BIRC6: variants seen among roughly 807,000 people sequenced by gnomAD.
BIRC6 encodes baculoviral IAP repeat containing 6, also known as dual E2 ubiquitin-conjugating enzyme/E3 ubiquitin-protein ligase BIRC6.
BIRC6 carries 98 observed loss-of-function variants against 503.3 expected under a neutral mutation model. The ratio of observed to expected loss-of-function variants is 0.19; its 90% confidence interval spans 0.17 to 0.23. BIRC6 has a LOEUF of 0.23. Among genes scored for constraint, BIRC6 ranks in the 10% least tolerant of loss-of-function variants. The pLI is 1.00. For synonymous variants in BIRC6, 2,240 were observed against 2,078.7 expected (o/e 1.08, Z -2.11); for missense variants, 5,360 against 5,806.0 (o/e 0.92, Z 2.50).
At chr2:32,555,120 T>C (rs895863751) in intron 65 of BIRC6, among the ~76,000 whole-genome samples, 1 of 152,200 alleles carries the variant, frequency 6.6e-6, no homozygotes, top group African/African-American at 2.4e-5. Context: ...TGTCGAGCTG[T>C]CGTAACATGA....
At chr2:32,550,133 A>T (rs1470803531) in intron 65 of BIRC6, among the ~76,000 whole-genome samples, 1 of 151,976 alleles carries the variant, frequency 6.6e-6, no homozygotes, top group Non-Finnish European at 1.5e-5. Context: ...TTCAGCCAAA[A>T]CCTTTATTAT....
rs35410265 is a variant in BIRC6, at chr2:32,521,365, C to CAAAAAAAAAAAAAAAAAAAAAA, written c.11623+2426_11623+2447dup. ...TGGGCAACATAGCAAGACCTCATCT[C>CAAAAAAAAAAAAAAAAAAAAAA]AAAAAAAAAAAAAAAAAAAAAAAAA... On this transcript the variant is annotated intron_variant, in intron 57 of 73. Transcript: ENST00000421745. 6.0e-4 allele frequency among the ~76,000 whole-genome samples: 13 copies of CAAAAAAAAAAAAAAAAAAAAAA among 21,518 alleles called. 1 individual carries two copies. The highest frequency in any genetic ancestry group is 2.2e-3 in the Admixed American group (2 of 896). The allele number at this position is 21,518 out of a possible 152,430, so 14.1% of individuals were successfully genotyped here.
chr2:32,420,205 A>G (rs2042789733), intron 10 of BIRC6, among the ~76,000 whole-genome samples: 1 of 152,208 alleles, frequency 6.6e-6, no homozygotes, highest in Non-Finnish European at 1.5e-5. Flanking sequence ...TGGTTTTGAT[A>G]TCAGTGTAAT....
chr2:32,518,150 G>T (rs1572762283), intron 55 of BIRC6, 104 bp from the exon 56 acceptor site: 9 of 1,127,314 alleles, frequency 8.0e-6, no homozygotes, highest in Non-Finnish European at 1.1e-5. Flanking sequence ...GATTTGATAT[G>T]TTAAAATAAA....
chr2:32,469,729 T>C, intron 30 of BIRC6, 115 bp downstream of exon 30: 1 of 962,302 alleles, frequency 1.0e-6, no homozygotes, highest in Non-Finnish European at 1.6e-6. Flanking sequence ...ATGAAGCAGA[T>C]CTCAGAGTTT....
chr2:32,547,046 T>C (rs571475907), intron 63 of BIRC6, among the ~76,000 whole-genome samples: 25 of 152,302 alleles, frequency 1.6e-4, no homozygotes, highest in African/African-American at 5.8e-4. Context: ...TGCAATAATA[T>C]TATTTCTTCC....
chr2:32,552,387 C>CG (rs2058486371), intron 65 of BIRC6, among the ~76,000 whole-genome samples: 1 of 152,106 alleles, frequency 6.6e-6, no homozygotes, highest in African/African-American at 2.4e-5. Flanking sequence ...AGTTTAAAAA[C>CG]TGGCCTGAAC....
chr2:32,382,035 A>G (rs901961287), intron 3 of BIRC6, among the ~76,000 whole-genome samples: 8 of 152,172 alleles, frequency 5.3e-5, no homozygotes, highest in Non-Finnish European at 1.0e-4. Context: ...AACAGAGATA[A>G]TTTATTGTAA....
At chr2:32,514,818 ATG>A (rs1056871011) in intron 54 of BIRC6, among the ~76,000 whole-genome samples, 170 bp from the exon 55 acceptor site, 2 of 152,030 alleles carry the variant, frequency 1.3e-5, no homozygotes, top group Non-Finnish European at 2.9e-5. Context: ...AAATATATAT[ATG>A]TGTGTCTATA....
chr2:32,377,886 C>T (rs2037042584), intron 2 of BIRC6, 117 bp downstream of exon 2: 1 of 840,040 alleles, frequency 1.2e-6, no homozygotes. Flanking sequence ...GCTATAAAAA[C>T]AATTTACTTA....
intron 15 of BIRC6, among the ~76,000 whole-genome samples, chr2:32,437,448 A>G (rs1216075370): frequency 6.6e-6 from 1 of 152,186 alleles, no homozygotes; most frequent in Non-Finnish European, 1.5e-5. Context: ...CCAAGAAAAT[A>G]ACTGACCAAC....
chr2:32,383,617 C>T (rs970069788), intron 3 of BIRC6, among the ~76,000 whole-genome samples: 30 of 152,140 alleles, frequency 2.0e-4, no homozygotes, highest in Middle Eastern at 3.4e-3. Context: ...CTGCAACCTC[C>T]GCCTTCTGGG....
chr2:32,533,465 C>T (rs911793490), intron 61 of BIRC6, among the ~76,000 whole-genome samples: 2 of 152,154 alleles, frequency 1.3e-5, no homozygotes, highest in Non-Finnish European at 2.9e-5. Flanking sequence ...GCAATCAGTG[C>T]TTGTCAATTT....
chr2:32,540,967 T>A (rs1472736210), intron 61 of BIRC6, among the ~76,000 whole-genome samples: 1 of 152,092 alleles, frequency 6.6e-6, no homozygotes, highest in Non-Finnish European at 1.5e-5. Context: ...TTTAATTTGC[T>A]CTTCTGATTT....
chr2:32,541,451 C>G (rs550096213), intron 61 of BIRC6, among the ~76,000 whole-genome samples: 1 of 152,140 alleles, frequency 6.6e-6, no homozygotes, highest in Non-Finnish European at 1.5e-5. Flanking sequence ...CTTAAGACTT[C>G]TACATATATA....
In BIRC6 at chr2:32,432,759, C is replaced by T. The variant is rs201130128; in HGVS notation, c.3249-885C>T. Among the ~76,000 whole-genome samples the T allele has an allele frequency of 7.5e-4, 99 of 132,678 alleles. 3 individuals carry two copies. The East Asian group carries it at 0.012, about 16-fold the overall frequency. The allele number at this position is 132,678 out of a possible 152,430, so 87.0% of individuals were successfully genotyped here. On this transcript the variant is annotated intron_variant, in intron 12 of 73. Coordinates refer to ENST00000421745, the MANE Select transcript of BIRC6 (RefSeq NM_016252.4). ...TGGGTGACAGAGTGAGACCCCATTT[C>T]GGAAAAAAAAAAAAAAAACTTTCAT... is the stretch of plus-strand genomic sequence containing the variant.
chr2:32,395,182 C>CA (rs1242367676), intron 5 of BIRC6, among the ~76,000 whole-genome samples: 11 of 152,020 alleles, frequency 7.2e-5, no homozygotes, highest in Non-Finnish European at 1.6e-4. Context: ...ACAACAGAAA[C>CA]AAATAGTGTA....
Position 32,468,100 on chromosome 2 carries a change from T to C in BIRC6, c.5769T>C (p.Asp1923=). 6.2e-7 allele frequency: 1 copy of C among 1,613,890 alleles called. No individual in the cohort carries two copies. The highest frequency in any genetic ancestry group is 1.1e-5 in the South Asian group (1 of 91,046). ...CAATGATGGTTGCTTTGCAGGAGGA[T>C]ATACAGTGCAGGTTAGTACAGAGTG... ...HLAMMVALQE[D]IQCRYNLACH... is the part of the protein sequence containing the mutation. Residue 1923 remains aspartate, a synonymous_variant, in exon 28 of 74, where the codon GAT becomes GAC. Coordinates refer to ENST00000421745, the MANE Select transcript of BIRC6 (RefSeq NM_016252.4).
At chr2:32,601,993 A>G (rs145647375) in intron 70 of BIRC6, among the ~76,000 whole-genome samples, 1 of 152,370 alleles carries the variant, frequency 6.6e-6, no homozygotes, top group African/African-American at 2.4e-5. Context: ...GAATTTAGAA[A>G]GAAATACACA....
Sources: gnomAD v4.1 joint callset for allele counts (sites outside exome capture counted in the v4.1 genomes callset) on GRCh38, gnomAD v4.1.1 for gene constraint, MANE v1.5 for transcripts, NCBI Gene and HGNC (gene_info 2026-07-23, HGNC 2026-07-21) for gene names.